AGMO: variants seen among roughly 807,000 people sequenced by gnomAD.
AGMO encodes glyceryl-ether monooxygenase.
In AGMO, 75 loss-of-function variants were observed where a neutral mutation model predicts 60.2. The ratio of observed to expected loss-of-function variants is 1.25; its 90% confidence interval spans 1.03 to 1.51. The LOEUF is 1.51. AGMO is among the 40% of genes most tolerant of loss of function. The pLI is 0.00. For missense variants in AGMO, 763 were observed against 525.5 expected (o/e 1.45, Z -4.42); for synonymous variants, 261 against 177.1 (o/e 1.47, Z -3.76).
chr7:15,149,196 T>C, the AGMO span, among the ~76,000 whole-genome samples: 1 of 152,128 alleles, frequency 6.6e-6, no homozygotes, highest in Non-Finnish European at 1.5e-5. Flanking sequence ...ATTTAACTTC[T>C]TCATATATTC....
chr7:15,277,198 G>T (rs1173454383), intron 12 of AGMO, among the ~76,000 whole-genome samples: 2 of 151,888 alleles, frequency 1.3e-5, no homozygotes, highest in Non-Finnish European at 2.9e-5. Flanking sequence ...AACCCAGCTA[G>T]TCGGGAGGCT....
At chr7:15,416,745 A>G (rs1377054973) in intron 5 of AGMO, among the ~76,000 whole-genome samples, 1 of 152,204 alleles carries the variant, frequency 6.6e-6, no homozygotes, top group Non-Finnish European at 1.5e-5. Flanking sequence ...GTTTCATACA[A>G]TTTACAGTAC....
chr7:15,132,931 G>A, the AGMO span, among the ~76,000 whole-genome samples: 1 of 152,114 alleles, frequency 6.6e-6, no homozygotes, highest in African/African-American at 2.4e-5. Flanking sequence ...CAAGTGCTAA[G>A]TCTTCAGAAA....
chr7:15,394,220 T>C (rs1203839507), intron 5 of AGMO, 41 bp from the exon 6 acceptor site: 1 of 1,353,678 alleles, frequency 7.4e-7, no homozygotes, highest in South Asian at 1.2e-5. Flanking sequence ...GTAGTTATCA[T>C]TAAATGTGTG....
chr7:15,224,382 TATAGAA>T (rs938933683), intron 12 of AGMO, among the ~76,000 whole-genome samples: 1 of 151,902 alleles, frequency 6.6e-6, no homozygotes, highest in African/African-American at 2.4e-5. Context: ...TGAATGTACT[TATAGAA>T]AGAGATAAGA....
At chr7:15,374,564 T>TA (rs1158696766) in intron 10 of AGMO, among the ~76,000 whole-genome samples, 2 of 151,952 alleles carry the variant, frequency 1.3e-5, no homozygotes, top group Admixed American at 6.6e-5. Flanking sequence ...CCTGATAAGA[T>TA]AGAGAACTTC....
At chr7:15,123,988 G>A in the AGMO span, among the ~76,000 whole-genome samples, 6 of 152,162 alleles carry the variant, frequency 3.9e-5, no homozygotes, top group African/African-American at 1.4e-4. Flanking sequence ...CTTATGACGT[G>A]TCTCGCATTA....
intron 12 of AGMO, among the ~76,000 whole-genome samples, chr7:15,354,097 GA>G (rs1200397300): frequency 1.3e-5 from 2 of 151,766 alleles, no homozygotes; most frequent in Admixed American, 6.6e-5. Flanking sequence ...TTCATGGAAA[GA>G]AAAAGTGACC....
chr7:15,244,641 G>T lies in AGMO; in HGVS notation c.1264-43282C>A, dbSNP rs75530569. Among the ~76,000 whole-genome samples the T allele has an allele frequency of 9.5e-3, 1,401 of 148,002 alleles. 84 individuals are homozygous for T. In the East Asian group the frequency reaches 0.18, roughly 19 times the overall value. ...AAAGTATTTGCTCATTCTTTTTTTT[G>T]TTTGTTTGTTTGTTTTGTTTTTTTG... On this transcript the variant is annotated intron_variant, in intron 12 of 12. Transcript: ENST00000342526.
chr7:15,422,394 A>G (rs77773084), intron 4 of AGMO, among the ~76,000 whole-genome samples: 2 of 152,116 alleles, frequency 1.3e-5, no homozygotes, highest in Admixed American at 1.3e-4. Context: ...GAGAAAAAAA[A>G]CAGTAAGGTA....
At chr7:15,404,982 A>G (rs979594416) in intron 5 of AGMO, among the ~76,000 whole-genome samples, 6 of 151,862 alleles carry the variant, frequency 4.0e-5, no homozygotes, top group Non-Finnish European at 7.4e-5. Flanking sequence ...AAAGTCAAAT[A>G]TTATATAATA....
At chr7:15,475,144 A>T (rs1264509128) in intron 3 of AGMO, among the ~76,000 whole-genome samples, 2 of 152,148 alleles carry the variant, frequency 1.3e-5, no homozygotes, top group Non-Finnish European at 2.9e-5. Context: ...CAATTCCTCA[A>T]GGATCTAGAA....
rs201109649 is a variant in AGMO at position 15,504,733 on chromosome 7, T to TA, written c.409+40038dup. ...GGATACAAGTTTATCCAGACAGGGT[T>TA]AAAAAAAAAAGTTGGCAAGAAAGGT... On this transcript the variant is annotated intron_variant, in intron 3 of 12. Transcript: ENST00000342526. Among the ~76,000 whole-genome samples, 201 of 143,972 alleles carry TA rather than the reference T, an allele frequency of 1.4e-3. 2 individuals carry two copies. The highest frequency in any genetic ancestry group is 4.6e-3 in the African/African-American group (181 of 39,068). 94.5% of individuals were successfully genotyped at this position (143,972 alleles called of 152,430 possible).
At chr7:15,468,750 G>T (rs1299410715) in intron 3 of AGMO, among the ~76,000 whole-genome samples, 1 of 152,042 alleles carries the variant, frequency 6.6e-6, no homozygotes, top group Admixed American at 6.6e-5. Context: ...ATCTACAAGA[G>T]GTTATGTTTG....
chr7:15,223,641 T>C (rs1304892306), intron 12 of AGMO, among the ~76,000 whole-genome samples: 4 of 151,884 alleles, frequency 2.6e-5, no homozygotes, highest in South Asian at 4.2e-4. Context: ...ATTGGAGTTA[T>C]AAAAAACTCC....
At chr7:15,348,158 A>G (rs947358784) in intron 12 of AGMO, among the ~76,000 whole-genome samples, 2 of 152,030 alleles carry the variant, frequency 1.3e-5, no homozygotes, top group African/African-American at 4.8e-5. Flanking sequence ...ATGTAATCCA[A>G]AAGGAACAGT....
chr7:15,180,991 C>T, the AGMO span, among the ~76,000 whole-genome samples: 2 of 152,094 alleles, frequency 1.3e-5, no homozygotes, highest in Non-Finnish European at 2.9e-5. Context: ...ATGAATTCAG[C>T]TCATTTTATG....
At chr7:15,428,267 C>T (rs1035832666) in intron 4 of AGMO, among the ~76,000 whole-genome samples, 2 of 152,076 alleles carry the variant, frequency 1.3e-5, no homozygotes, top group African/African-American at 4.8e-5. Context: ...TCTCTCCTAT[C>T]TTCCAAGGGA....
chr7:15,339,978 G>A (rs1371932056), intron 12 of AGMO, among the ~76,000 whole-genome samples: 1 of 152,156 alleles, frequency 6.6e-6, no homozygotes, highest in Non-Finnish European at 1.5e-5. Context: ...CTGTGACTGA[G>A]GCATAGATGG....
Sources: gnomAD v4.1 joint callset for allele counts (sites outside exome capture counted in the v4.1 genomes callset) on GRCh38, gnomAD v4.1.1 for gene constraint, MANE v1.5 for transcripts, NCBI Gene and HGNC (gene_info 2026-07-23, HGNC 2026-07-21) for gene names.